THADA: variants seen among roughly 807,000 people sequenced by gnomAD.
The protein encoded by THADA is tRNA (32-2'-O)-methyltransferase regulator THADA.
THADA carries 213 observed loss-of-function variants against 219.8 expected under a neutral mutation model. The ratio of observed to expected loss-of-function variants is 0.97; its 90% CI spans 0.87 to 1.09. The LOEUF (loss-of-function observed/expected upper bound fraction) is 1.09, where lower values mean the gene tolerates loss of function less well. THADA is among the 50% of genes least tolerant of loss of function. The pLI is 0.00. For missense variants in THADA, 2,956 were observed against 2,311.3 expected (o/e 1.28, Z -5.72); for synonymous variants, 1,018 against 828.9 (o/e 1.23, Z -3.92).
intron 31 of THADA, among the ~76,000 whole-genome samples, chr2:43,295,095 CA>C (rs774748070): frequency 1.3e-5 from 2 of 152,170 alleles, no homozygotes; most frequent in African/African-American, 4.8e-5. Context: ...TCTATTTCTA[CA>C]AAAAATAAAA....
At chr2:43,257,170 T>C (rs1374711524) in intron 36 of THADA, among the ~76,000 whole-genome samples, 2 of 152,136 alleles carry the variant, frequency 1.3e-5, no homozygotes, top group Admixed American at 1.3e-4. Context: ...TCAGAGTCCT[T>C]GAAGGTAGCA....
chr2:43,470,447 C>T (rs1215500019), intron 26 of THADA, among the ~76,000 whole-genome samples: 2 of 152,096 alleles, frequency 1.3e-5, no homozygotes, highest in Admixed American at 1.3e-4. Flanking sequence ...ATCAAGTAAA[C>T]TACGATTTGT....
At chr2:43,446,925 T>G (rs1445544332) in intron 26 of THADA, among the ~76,000 whole-genome samples, 3 of 152,234 alleles carry the variant, frequency 2.0e-5, no homozygotes, top group Non-Finnish European at 2.9e-5. Context: ...GAATCCCATC[T>G]TGATCTCTTC....
intron 28 of THADA, among the ~76,000 whole-genome samples, chr2:43,425,798 C>T (rs1439281219): frequency 2.6e-5 from 4 of 152,170 alleles, no homozygotes; most frequent in African/African-American, 9.7e-5. Flanking sequence ...GATGTGTTAT[C>T]ACCCTCATTT....
intron 31 of THADA, among the ~76,000 whole-genome samples, chr2:43,297,620 C>T (rs1408077407): frequency 9.9e-6 from 1 of 101,186 alleles, no homozygotes; most frequent in Non-Finnish European, 1.9e-5. Flanking sequence ...CCCCGCCCGG[C>T]CAGCCCCCCC....
intron 26 of THADA, among the ~76,000 whole-genome samples, chr2:43,440,461 C>T (rs927080181): frequency 6.6e-6 from 1 of 152,154 alleles, no homozygotes; most frequent in African/African-American, 2.4e-5. Flanking sequence ...AGGGAGAAAG[C>T]AAAATCATTC....
intron 35 of THADA, among the ~76,000 whole-genome samples, chr2:43,282,401 C>A (rs1673467132): frequency 6.6e-6 from 1 of 152,126 alleles, no homozygotes; most frequent in Non-Finnish European, 1.5e-5. Flanking sequence ...GGACAGGAGA[C>A]CCTTTATTGG....
chr2:43,246,625 G>T (rs1395039509), intron 36 of THADA, among the ~76,000 whole-genome samples: 1 of 152,190 alleles, frequency 6.6e-6, no homozygotes, highest in African/African-American at 2.4e-5. Flanking sequence ...GTAATGCAAT[G>T]ACCAAATCAA....
At chr2:43,238,530 G>A (rs1270068587) in intron 36 of THADA, among the ~76,000 whole-genome samples, 1 of 152,090 alleles carries the variant, frequency 6.6e-6, no homozygotes, top group Admixed American at 6.5e-5. Context: ...AGTGTAAAAT[G>A]GTGTAGCCAC....
At position 43,574,493 on chromosome 2, in the gene THADA, C is replaced by G. The variant is rs1469355524; in HGVS notation, c.1572G>C (p.Glu524Asp). Reference sequence around the variant, plus strand: ...TAAAAAGGAGAGGAGAAACCCAAGTCTCATGCCACTGGTCAATCCAAGAAC... The same window carrying G: ...TAAAAAGGAGAGGAGAAACCCAAGTGTCATGCCACTGGTCAATCCAAGAAC... ...AESSWIDQWH[E>D]TWVSPLLFIL... Residue 524 changes from glutamate to aspartate, a missense_variant, in exon 11 of 38, where the codon GAG becomes GAC. Glu to Asp is a conservative substitution (Grantham distance 45, BLOSUM62 2). Transcript: ENST00000405975. 4 of 1,613,816 alleles carry G rather than the reference C, an allele frequency of 2.5e-6. No individual in the cohort carries two copies. The highest frequency in any genetic ancestry group is 3.4e-6 in the Non-Finnish European group (4 of 1,179,878).
intron 29 of THADA, among the ~76,000 whole-genome samples, chr2:43,378,699 G>A (rs1671658338): frequency 6.6e-6 from 1 of 152,118 alleles, no homozygotes; most frequent in Non-Finnish European, 1.5e-5. Context: ...TCCACTTCCA[G>A]GGTTCAAGCG....
At chr2:43,269,410 A>G (rs560446502) in intron 36 of THADA, among the ~76,000 whole-genome samples, 1 of 152,226 alleles carries the variant, frequency 6.6e-6, no homozygotes, top group East Asian at 1.9e-4. Context: ...CCCAGCAACC[A>G]GGCCCAGCCA....
At chr2:43,403,637 G>A (rs1207351202) in intron 28 of THADA, among the ~76,000 whole-genome samples, 1 of 151,776 alleles carries the variant, frequency 6.6e-6, no homozygotes, top group Non-Finnish European at 1.5e-5. Context: ...CCATTTCCTG[G>A]CCCACCTCCA....
intron 29 of THADA, among the ~76,000 whole-genome samples, chr2:43,362,068 T>C (rs1669584758): frequency 1.3e-5 from 2 of 152,244 alleles, no homozygotes; most frequent in South Asian, 4.1e-4. Context: ...CTTATTTTCT[T>C]TAGTATTTCC....
chr2:43,420,106 A>T (rs1162334128), intron 28 of THADA, among the ~76,000 whole-genome samples: 1 of 152,136 alleles, frequency 6.6e-6, no homozygotes, highest in Non-Finnish European at 1.5e-5. Flanking sequence ...GTTAATCACC[A>T]TGGGTGATTT....
At chr2:43,497,716 C>T (rs1688442354) in intron 25 of THADA, among the ~76,000 whole-genome samples, 1 of 152,170 alleles carries the variant, frequency 6.6e-6, no homozygotes, top group East Asian at 1.9e-4. Flanking sequence ...GAAACCCTCT[C>T]TCTACCAAAA....
rs550237937 is a variant in THADA, at chr2:43,581,982, C to T, written c.534-54G>A. On this transcript the variant is annotated intron_variant, in intron 7 of 37. Transcript: ENST00000405975. ...AAGGAAATTCAAACAAAAGTGTGAACATTTCTAATTATCAGCAAAATAAAT... is the reference window on the plus strand; with the variant it reads ...AAGGAAATTCAAACAAAAGTGTGAATATTTCTAATTATCAGCAAAATAAAT... 447 of 1,329,432 alleles carry T rather than the reference C, an allele frequency of 3.4e-4. 1 individual carries two copies. Among genetic ancestry groups the T allele is most frequent in the Non-Finnish European group, 4.1e-4 (405 of 997,746 alleles). The allele number at this position is 1,329,432 out of a possible 1,614,324, so 82.4% of individuals were successfully genotyped here.
intron 26 of THADA, among the ~76,000 whole-genome samples, chr2:43,453,073 A>C (rs1445981744): frequency 6.6e-6 from 1 of 151,416 alleles, no homozygotes; most frequent in African/African-American, 2.5e-5. Context: ...TATTTACAAG[A>C]AAAATAAACA....
chr2:43,358,244 T>C (rs1279991786), intron 29 of THADA, among the ~76,000 whole-genome samples: 4 of 152,198 alleles, frequency 2.6e-5, no homozygotes, highest in African/African-American at 9.7e-5. Context: ...AATATATTCT[T>C]TTTTTGTCAT....
Sources: allele counts gnomAD v4.1 joint callset (sites outside exome capture counted in the v4.1 genomes callset), GRCh38; gene constraint gnomAD v4.1.1; transcripts MANE v1.5; gene names NCBI Gene and HGNC (gene_info 2026-07-23, HGNC 2026-07-21).